Variants in BTRC observed in about 807,000 individuals in gnomAD.
BTRC encodes F-box/WD repeat-containing protein 1A.
A neutral mutation model predicts 85.5 loss-of-function variants in BTRC; 42 were observed. The ratio of observed to expected loss-of-function variants is 0.49; its 90% confidence interval spans 0.38 to 0.64. The LOEUF (loss-of-function observed/expected upper bound fraction) is 0.64. Ranked by LOEUF, BTRC falls within the 30% of genes least tolerant of loss-of-function variation. The pLI is 0.00. For synonymous variants in BTRC, 255 were observed against 263.3 expected (o/e 0.97, Z 0.30); for missense variants, 594 against 743.5 (o/e 0.80, Z 2.34).
At chr10:101,393,163 A>G (rs1299170971) in intron 1 of BTRC, among the ~76,000 whole-genome samples, 2 of 152,180 alleles carry the variant, frequency 1.3e-5, no homozygotes, top group African/African-American at 4.8e-5. Context: ...AGCTGAACAC[A>G]TGGAGATCCC....
In BTRC at chr10:101,534,967, AT is replaced by A. The variant is rs2062363803; in HGVS notation, c.1347+60del. 1.5e-5 allele frequency: 24 copies of A among 1,572,204 alleles called. 1 individual carries two copies. In the Middle Eastern group the frequency reaches 2.2e-3, roughly 144 times the overall value. On this transcript the variant is annotated intron_variant, in intron 10 of 14. Coordinates refer to ENST00000370187, the MANE Select transcript of BTRC (RefSeq NM_033637.4). Reference sequence around the variant, plus strand: ...TTAGAATGGGGGAATTCATATGAAAATTTGATCAAGGGCAATTTCATATTTA... The same window carrying A: ...TTAGAATGGGGGAATTCATATGAAAATTGATCAAGGGCAATTTCATATTTA...
intron 5 of BTRC, among the ~76,000 whole-genome samples, chr10:101,522,748 C>T (rs529148599): frequency 1.3e-5 from 2 of 152,114 alleles, no homozygotes; most frequent in Admixed American, 1.3e-4. Flanking sequence ...TCTTCTTACT[C>T]ATGCCCTTCT....
chr10:101,432,854 G>A (rs1944436545), intron 2 of BTRC, among the ~76,000 whole-genome samples: 1 of 152,112 alleles, frequency 6.6e-6, no homozygotes. Flanking sequence ...CGCAGTGTGT[G>A]ACAATACTCA....
chr10:101,379,983 A>T (rs886505769), intron 1 of BTRC, among the ~76,000 whole-genome samples: 2 of 152,220 alleles, frequency 1.3e-5, no homozygotes, highest in African/African-American at 4.8e-5. Context: ...TTGCAAAGTG[A>T]CATCTGTTTG....
intron 1 of BTRC, among the ~76,000 whole-genome samples, chr10:101,427,730 A>G (rs1208892158): frequency 1.3e-5 from 2 of 150,876 alleles, no homozygotes; most frequent in Admixed American, 6.6e-5. Flanking sequence ...GGTCTCCCAC[A>G]TTACTGAGGC....
At chr10:101,367,299 A>G (rs1008912868) in intron 1 of BTRC, among the ~76,000 whole-genome samples, 1 of 150,830 alleles carries the variant, frequency 6.6e-6, no homozygotes, top group Non-Finnish European at 1.5e-5. Flanking sequence ...CTATCTCTTG[A>G]CCTTGTGATC....
At chr10:101,441,603 G>A (rs937948592) in intron 2 of BTRC, among the ~76,000 whole-genome samples, 3 of 152,068 alleles carry the variant, frequency 2.0e-5, no homozygotes, top group Non-Finnish European at 2.9e-5. Context: ...TTCTTGGCCG[G>A]GCGTGGTGGC....
intron 4 of BTRC, among the ~76,000 whole-genome samples, chr10:101,500,745 G>C (rs1309668911): frequency 6.6e-6 from 1 of 152,132 alleles, no homozygotes; most frequent in East Asian, 1.9e-4. Context: ...TCAGCATGTA[G>C]AAAAGTCAGA....
At chr10:101,525,188 A>T (rs1364134488) in intron 5 of BTRC, among the ~76,000 whole-genome samples, 1 of 152,160 alleles carries the variant, frequency 6.6e-6, no homozygotes. Context: ...ACCTCAGTAC[A>T]GATTTGGGTG....
intron 5 of BTRC, among the ~76,000 whole-genome samples, chr10:101,522,883 C>A (rs2062138350): frequency 6.6e-6 from 1 of 152,046 alleles, no homozygotes; most frequent in Non-Finnish European, 1.5e-5. Flanking sequence ...ATTTGTATTT[C>A]TATGAGAATA....
intron 1 of BTRC, among the ~76,000 whole-genome samples, chr10:101,426,933 A>G (rs1171207142): frequency 6.6e-6 from 1 of 151,916 alleles, no homozygotes; most frequent in Non-Finnish European, 1.5e-5. Context: ...ATTTTCTTCC[A>G]CTATTTCCTT....
Position 101,550,790 on chromosome 10 carries a change from TA to T in BTRC, c.1751del (p.Asn584MetfsTer24). Reference protein sequence around the residue: ...HDDTILIWDFLNDPAAQAEPP... With the variant: ...HDDTILIWDFXNDPAAQAEPP... ...GACACAATCCTCATCTGGGACTTCC[TA>T]AATGATCCAGCTGCCCAAGCTGAAC... is the stretch of plus-strand genomic sequence containing the variant. On this transcript the variant is annotated frameshift_variant, in exon 14 of 15. Transcript: ENST00000370187. LOFTEE classifies it high-confidence loss of function. The T allele has an allele frequency of 1.2e-6, 2 of 1,614,160 alleles. No individual in the cohort carries two copies. Among genetic ancestry groups the T allele is most frequent in the Non-Finnish European group, 1.7e-6 (2 of 1,180,006 alleles).
Position 101,479,474 on chromosome 10 carries a change from A to G in BTRC, c.324+17A>G, listed in dbSNP as rs139115116. 16 of 1,578,060 alleles carry G rather than the reference A, an allele frequency of 1.0e-5. No homozygotes were observed. Among genetic ancestry groups the G allele is most frequent in the Admixed American group, 1.0e-4 (6 of 59,928 alleles). On this transcript the variant is annotated intron_variant, in intron 4 of 14. Coordinates refer to ENST00000370187, the MANE Select transcript of BTRC (RefSeq NM_033637.4). ...GTGGCCAAAGTAAGTAATATTGCTC[A>G]TCAATGTATATTACACCACACCATA...
intron 1 of BTRC, among the ~76,000 whole-genome samples, chr10:101,385,236 G>A (rs1038959930): frequency 1.9e-4 from 29 of 151,386 alleles, no homozygotes; most frequent in Non-Finnish European, 3.5e-4. Context: ...GCGTGGTGGC[G>A]GGCACCTGTA....
At chr10:101,524,150 T>C (rs1228905429) in intron 5 of BTRC, among the ~76,000 whole-genome samples, 1 of 152,194 alleles carries the variant, frequency 6.6e-6, no homozygotes, top group Non-Finnish European at 1.5e-5. Flanking sequence ...ACAAAAGAAG[T>C]ACCTATTTAT....
chr10:101,414,810 AAC>A (rs1321145934), intron 1 of BTRC: 3 of 161,384 alleles, frequency 1.9e-5, no homozygotes, highest in Non-Finnish European at 4.0e-5. Flanking sequence ...TTAAATAGGA[AAC>A]AACTTATAAA....
intron 3 of BTRC, among the ~76,000 whole-genome samples, chr10:101,472,771 T>C (rs1945567835): frequency 6.6e-6 from 1 of 152,156 alleles, no homozygotes; most frequent in Admixed American, 6.6e-5. Flanking sequence ...AATAAAAATA[T>C]TATTCGCTTG....
At chr10:101,389,123 T>G (rs1407904761) in intron 1 of BTRC, among the ~76,000 whole-genome samples, 3 of 83,412 alleles carry the variant, frequency 3.6e-5, no homozygotes, top group African/African-American at 2.4e-4. Context: ...GTGTGTGTTT[T>G]TTTTTTTTTT....
chr10:101,483,414 G>A lies in BTRC; in HGVS notation c.324+3957G>A, dbSNP rs559640667. Among the ~76,000 whole-genome samples, 5 of 152,308 alleles carry A rather than the reference G, an allele frequency of 3.3e-5. No individual in the cohort carries two copies. In the South Asian group the frequency reaches 1.0e-3, roughly 32 times the overall value. ...TCAAGACCAGCCCAACCAACATGGTGAAACCCTGTCTATACTAAAAGTATA... is the reference window on the plus strand; with the variant it reads ...TCAAGACCAGCCCAACCAACATGGTAAAACCCTGTCTATACTAAAAGTATA... On this transcript the variant is annotated intron_variant, in intron 4 of 14. Coordinates refer to ENST00000370187, the MANE Select transcript of BTRC (RefSeq NM_033637.4).
Sources: allele counts gnomAD v4.1 joint callset (sites outside exome capture counted in the v4.1 genomes callset), GRCh38; gene constraint gnomAD v4.1.1; transcripts MANE v1.5; gene names NCBI Gene and HGNC (gene_info 2026-07-23, HGNC 2026-07-21).